ATR: variants seen among roughly 807,000 people sequenced by gnomAD.
The protein encoded by ATR is ATR checkpoint kinase.
In ATR, 142 loss-of-function variants were observed where a neutral mutation model predicts 305.3. The observed-to-expected ratio is 0.47, with a 90% CI of 0.41 to 0.53. The LOEUF (loss-of-function observed/expected upper bound fraction) is 0.53, where lower values mean the gene tolerates loss of function less well. ATR is among the 20% of genes least tolerant of loss of function. ATR has a pLI of 0.00. For missense variants in ATR, 2,135 were observed against 3,133.1 expected (o/e 0.68, Z 7.60); for synonymous variants, 1,050 against 1,068.1 (o/e 0.98, Z 0.33).
chr3:142,528,350 A>G (rs1344689557), intron 21 of ATR, among the ~76,000 whole-genome samples: 1 of 152,022 alleles, frequency 6.6e-6, no homozygotes, highest in Non-Finnish European at 1.5e-5. Flanking sequence ...TAAGCTTCTT[A>G]TTTTGGCTTT....
At chr3:142,471,352 C>T (rs1449078395) in intron 36 of ATR, among the ~76,000 whole-genome samples, 2 of 152,118 alleles carry the variant, frequency 1.3e-5, no homozygotes, top group East Asian at 3.8e-4. Flanking sequence ...ATTAATCTCC[C>T]AATGAACTCT....
chr3:142,492,199 G>A (rs1009208472), intron 35 of ATR, among the ~76,000 whole-genome samples: 2 of 152,106 alleles, frequency 1.3e-5, no homozygotes, highest in African/African-American at 4.8e-5. Context: ...CTACTTCTAA[G>A]GTGTGGCCCT....
intron 36 of ATR, 57 bp from the exon 37 acceptor site, chr3:142,470,240 GAATTAA>G: frequency 1.5e-6 from 2 of 1,365,140 alleles, no homozygotes; most frequent in Non-Finnish European, 2.0e-6. Context: ...TATATTATAC[GAATTAA>G]AATTTAAAGA....
intron 24 of ATR, among the ~76,000 whole-genome samples, chr3:142,518,160 G>T (rs979760453): frequency 1.3e-5 from 2 of 152,098 alleles, no homozygotes; most frequent in African/African-American, 4.8e-5. Flanking sequence ...AAGAAAATGG[G>T]GGAAGTATGG....
intron 16 of ATR, among the ~76,000 whole-genome samples, chr3:142,544,685 A>T (rs539048075): frequency 7.2e-4 from 109 of 151,406 alleles, no homozygotes; most frequent in African/African-American, 2.2e-3. Context: ...TGAACTCCAT[A>T]AGAAAGTTGC....
chr3:142,450,782 C>T (rs2070769948), intron 46 of ATR: 26 of 1,450,666 alleles, frequency 1.8e-5, no homozygotes, highest in Non-Finnish European at 2.2e-5. Flanking sequence ...TATCACACTG[C>T]GTGGACAGAA....
chr3:142,571,946 T>C (rs1487898764), intron 1 of ATR, among the ~76,000 whole-genome samples: 1 of 152,044 alleles, frequency 6.6e-6, no homozygotes, highest in Non-Finnish European at 1.5e-5. Flanking sequence ...TTTGTATTTT[T>C]AGTAGAGACG....
chr3:142,457,941 T>C, intron 44 of ATR, 186 bp from the exon 45 acceptor site: 1 of 654,952 alleles, frequency 1.5e-6, no homozygotes, highest in Admixed American at 2.9e-5. Context: ...TTTACAGAAC[T>C]GAAACCATAC....
chr3:142,460,543 G>C (rs145543677), intron 42 of ATR, among the ~76,000 whole-genome samples: 1 of 152,088 alleles, frequency 6.6e-6, no homozygotes, highest in African/African-American at 2.4e-5. Flanking sequence ...AAGGTTAAGA[G>C]AAAGGCAAGG....
intron 31 of ATR, 111 bp from the exon 32 acceptor site, chr3:142,498,885 C>CTTT: frequency 2.4e-5 from 20 of 840,950 alleles, no homozygotes; most frequent in Non-Finnish European, 2.9e-5. Context: ...GGCTTCATTC[C>CTTT]TTTTTTTTTT....
chr3:142,548,879 G>A lies in ATR; in HGVS notation c.3171+600C>T, dbSNP rs377164092. 5.5e-4 allele frequency among the ~76,000 whole-genome samples: 83 copies of A among 152,126 alleles called. 2 individuals are homozygous for A. In the South Asian group the frequency reaches 8.9e-3, roughly 16 times the overall value. On this transcript the variant is annotated intron_variant, in intron 15 of 46. Transcript: ENST00000350721. ...ATACATTTGATATTCACTAACTCTC[G>A]TGGAAAGAGATGTGCTGCTGGCATA...
At chr3:142,469,965 T>C in intron 37 of ATR, 121 bp downstream of exon 37, 2 of 767,894 alleles carry the variant, frequency 2.6e-6, no homozygotes, top group Non-Finnish European at 4.3e-6. Flanking sequence ...CACACTTACA[T>C]AATATCTTAA....
Position 142,538,721 on chromosome 3 carries a change from AAAC to A in ATR, c.3582-99_3582-97del, listed in dbSNP as rs1195317287. On this transcript the variant is annotated intron_variant, in intron 18 of 46. Coordinates refer to ENST00000350721, the MANE Select transcript of ATR (RefSeq NM_001184.4). ...TTAGTTGAAGACACATGATATATACAAACAATAGATTAAAAGGCAGCTTTAAAC... is the reference window on the plus strand; with the variant it reads ...TTAGTTGAAGACACATGATATATACAAATAGATTAAAAGGCAGCTTTAAAC... 5 of 1,459,184 alleles carry A rather than the reference AAAC, an allele frequency of 3.4e-6. No individual in the cohort carries two copies. In the African/African-American group the frequency reaches 7.0e-5, roughly 21 times the overall value. 90.4% of individuals were successfully genotyped at this position (1,459,184 alleles called of 1,614,324 possible). A position where few individuals can be genotyped will look rare whatever the true frequency, so the allele number is the denominator to read the frequency against.
At chr3:142,566,603 C>A (rs1265455742) in intron 2 of ATR, among the ~76,000 whole-genome samples, 1 of 103,324 alleles carries the variant, frequency 9.7e-6, no homozygotes, top group Non-Finnish European at 1.7e-5. Context: ...CAGCCTGGAA[C>A]AAAGCAAGAC....
Position 142,515,510 on chromosome 3 carries a change from T to C in ATR, c.4388A>G (p.Lys1463Arg), listed in dbSNP as rs771086680. The C allele has an allele frequency of 6.2e-7, 1 of 1,610,664 alleles. No individual in the cohort carries two copies. Among genetic ancestry groups the C allele is most frequent in the Non-Finnish European group, 8.5e-7 (1 of 1,177,016 alleles). The part of the protein sequence containing the change: ...ILEPHLNTRY[K>R]SSQKSTDWSG... The stretch of plus-strand genomic sequence containing the variant: ...CCAATCGGTTGACTTCTGAGAACTC[T>C]TGTATCTGTAATTTTGAAAATTTGT... The change falls in exon 25 of 47, where the codon AAG becomes AGG. Residue 1463 changes from lysine to arginine, a missense_variant. Transcript: ENST00000350721.
chr3:142,523,430 C>G lies in ATR; in HGVS notation c.4152+563G>C, dbSNP rs527900137. ...GCGAGACTCCGTCCAAAAAAAAACA[C>G]AAAATGTATACATAGCATCTCCTAC... is the stretch of plus-strand genomic sequence containing the variant. On this transcript the variant is annotated intron_variant, in intron 22 of 46. Coordinates refer to ENST00000350721, the MANE Select transcript of ATR (RefSeq NM_001184.4). Among the ~76,000 whole-genome samples, 80 of 152,080 alleles carry G rather than the reference C, an allele frequency of 5.3e-4. No homozygotes were observed. The South Asian group carries it at 0.011, about 21-fold the overall frequency.
At chr3:142,556,655 G>T in intron 8 of ATR, 80 bp from the exon 9 acceptor site, 1 of 1,316,294 alleles carries the variant, frequency 7.6e-7, no homozygotes, top group Non-Finnish European at 1.1e-6. Context: ...TATAAGTAAA[G>T]TAACATTTGT....
chr3:142,566,493 T>A (rs1327337056), intron 2 of ATR, among the ~76,000 whole-genome samples: 1 of 151,960 alleles, frequency 6.6e-6, no homozygotes, highest in Non-Finnish European at 1.5e-5. Flanking sequence ...GGAGTGGTAG[T>A]GTGCCTATAG....
intron 2 of ATR, 67 bp downstream of exon 2, chr3:142,567,996 A>G: frequency 3.2e-5 from 41 of 1,285,572 alleles, no homozygotes; most frequent in Non-Finnish European, 4.3e-5. Flanking sequence ...AAATGCTACT[A>G]TAATTTATAC....
Sources: gnomAD v4.1 joint callset for allele counts (sites outside exome capture counted in the v4.1 genomes callset) on GRCh38, gnomAD v4.1.1 for gene constraint, MANE v1.5 for transcripts, NCBI Gene and HGNC (gene_info 2026-07-23, HGNC 2026-07-21) for gene names.